Variants in ORC4 observed in about 807,000 individuals in gnomAD.
The protein encoded by ORC4 is origin recognition complex, subunit 4 homolog.
Under a neutral mutation model 63.9 loss-of-function variants are expected in ORC4, and 55 were observed. The observed-to-expected ratio is 0.86, with a 90% confidence interval of 0.69 to 1.08. The LOEUF (loss-of-function observed/expected upper bound fraction) is 1.08, where lower values mean the gene tolerates loss of function less well. ORC4 is among the 50% of genes least tolerant of loss of function. ORC4 has a pLI of 0.00. For synonymous variants in ORC4, 150 were observed against 168.5 expected, an observed-to-expected ratio of 0.89 and a Z score of 0.85; for missense variants, 511 against 504.4, an observed-to-expected ratio of 1.01 and a Z score of -0.13.
chr2:147,935,419 G>T lies in ORC4; in HGVS notation c.*91C>A. 1 of 944,806 alleles carries T rather than the reference G, an allele frequency of 1.1e-6. No homozygotes were observed. 58.5% of individuals were successfully genotyped at this position (944,806 alleles called of 1,614,324 possible). A position where few individuals can be genotyped will look rare whatever the true frequency, so the allele number is the denominator to read the frequency against. On this transcript the variant is annotated 3_prime_UTR_variant, in exon 14 of 14. Transcript: ENST00000392857. Reference sequence around the variant, plus strand: ...TCACATAAATACAAGAATGTTTATAGAATGTTTAGCATATCATGTTAATGG... The same window carrying T: ...TCACATAAATACAAGAATGTTTATATAATGTTTAGCATATCATGTTAATGG...
intron 4 of ORC4, among the ~76,000 whole-genome samples, chr2:147,961,063 T>G (rs1339681999): frequency 6.6e-6 from 1 of 152,194 alleles, no homozygotes; most frequent in African/African-American, 2.4e-5. Context: ...TTAAATATAC[T>G]ATAATCTTAG....
chr2:147,943,612 C>T, intron 9 of ORC4, 90 bp from the exon 10 acceptor site: 1 of 714,192 alleles, frequency 1.4e-6, no homozygotes, highest in East Asian at 2.6e-5. Context: ...GTTGGTGTAC[C>T]TTAGTAACTC....
intron 4 of ORC4, among the ~76,000 whole-genome samples, chr2:147,963,927 C>A (rs146902327): frequency 6.6e-6 from 1 of 152,270 alleles, no homozygotes; most frequent in Non-Finnish European, 1.5e-5. Flanking sequence ...CCACATCAAA[C>A]TGACACCTCG....
chr2:148,021,390 CCTCTT>C, upstream of ORC4: 1 of 497,500 alleles, frequency 2.0e-6, no homozygotes, highest in Non-Finnish European at 4.0e-6. Context: ...CCACCCTCCT[CCTCTT>C]TGGCCGTGAG....
intron 1 of ORC4, among the ~76,000 whole-genome samples, chr2:147,996,803 A>G (rs1402478070): frequency 2.0e-5 from 3 of 152,242 alleles, no homozygotes; most frequent in Non-Finnish European, 2.9e-5. Context: ...TTCATGGCTC[A>G]TGGAAAAGCA....
At chr2:147,941,405 A>ACAT (rs1204893717) in intron 10 of ORC4, among the ~76,000 whole-genome samples, 1 of 152,020 alleles carries the variant, frequency 6.6e-6, no homozygotes, top group Non-Finnish European at 1.5e-5. Context: ...AAGCACTTAC[A>ACAT]CATATTTACA....
At position 147,932,747 on chromosome 2, in the gene ORC4, A is replaced by T. The variant is rs931598239; in HGVS notation, c.*2763T>A. 2 of 152,116 alleles carry T rather than the reference A, an allele frequency of 1.3e-5. No homozygotes were observed. The highest frequency in any genetic ancestry group is 4.8e-5 in the African/African-American group (2 of 41,430). 9.4% of individuals were successfully genotyped at this position (152,116 alleles called of 1,614,324 possible). ...ACAGTACACACCAATGGATTCTCAG[A>T]TTTTCTAGGGTAAAGGTGAAGGATG... On this transcript the variant is annotated 3_prime_UTR_variant, in exon 14 of 14. Transcript: ENST00000392857.
Position 147,935,693 on chromosome 2 carries a change from A to G in ORC4, c.1128T>C (p.Phe376=), listed in dbSNP as rs770142068. Residue 376 remains phenylalanine, a synonymous_variant, in exon 14 of 14, where the codon TTT becomes TTC. Transcript: ENST00000392857. The part of the protein sequence containing the change: ...NFEKPVVMKA[F]EHLQQLELIK... The stretch of plus-strand genomic sequence containing the variant: ...TTAATTCTAATTGCTGCAAGTGTTC[A>G]AAAGCCTGAAAGATGAAAGAAATAG... 7 of 1,611,658 alleles carry G rather than the reference A, an allele frequency of 4.3e-6. No individual in the cohort carries two copies. Among genetic ancestry groups the G allele is most frequent in the Non-Finnish European group, 5.9e-6 (7 of 1,179,220 alleles).
At chr2:147,972,065 T>C (rs1341563691) in intron 4 of ORC4, among the ~76,000 whole-genome samples, 1 of 152,090 alleles carries the variant, frequency 6.6e-6, no homozygotes, top group African/African-American at 2.4e-5. Flanking sequence ...CTACTTAGCA[T>C]TGAAATTAAT....
rs546970844 is a variant in ORC4 at position 147,932,505 on chromosome 2, A to G, written c.*3005T>C. ...GAGCCCACATCGCCAAGGCAATCCT[A>G]AGCTATGTGTTCTTAAAGAGGGGAG... On this transcript the variant is annotated 3_prime_UTR_variant, in exon 14 of 14. Coordinates refer to ENST00000392857, the MANE Select transcript of ORC4 (RefSeq NM_181741.4). 2 of 152,292 alleles carry G rather than the reference A, an allele frequency of 1.3e-5. No individual in the cohort carries two copies. Among genetic ancestry groups the G allele is most frequent in the Admixed American group, 6.5e-5 (1 of 15,290 alleles). The allele number at this position is 152,292 out of a possible 1,614,324, so 9.4% of individuals were successfully genotyped here.
chr2:148,001,120 G>A (rs1048936125), intron 1 of ORC4, among the ~76,000 whole-genome samples: 3 of 152,036 alleles, frequency 2.0e-5, no homozygotes, highest in Admixed American at 1.3e-4. Flanking sequence ...CAAATAAGGC[G>A]ATAAAGGCCC....
chr2:148,001,121 A>ATTT (rs1692275781), intron 1 of ORC4, among the ~76,000 whole-genome samples: 1 of 152,132 alleles, frequency 6.6e-6, no homozygotes, highest in African/African-American at 2.4e-5. Flanking sequence ...AAATAAGGCG[A>ATTT]TAAAGGCCCA....
chr2:147,958,460 G>A (rs1689390839), intron 5 of ORC4, 77 bp from the exon 6 acceptor site: 3 of 1,044,940 alleles, frequency 2.9e-6, no homozygotes, highest in East Asian at 2.6e-5. Context: ...TTCCAGTTAA[G>A]TAAATCTTCC....
intron 4 of ORC4, among the ~76,000 whole-genome samples, chr2:147,964,783 A>T (rs1183890087): frequency 6.6e-6 from 1 of 152,158 alleles, no homozygotes; most frequent in Non-Finnish European, 1.5e-5. Flanking sequence ...AAAATTTTAA[A>T]CTATCATTTT....
Position 147,959,926 on chromosome 2 carries a change from TATA to T in ORC4, c.226-1063_226-1061del, listed in dbSNP as rs1190323878. Among the ~76,000 whole-genome samples the T allele has an allele frequency of 4.6e-5, 7 of 152,320 alleles. No homozygotes were observed. In the South Asian group the frequency reaches 1.0e-3, roughly 23 times the overall value. The stretch of plus-strand genomic sequence containing the variant: ...TTCACCTCTGGATCAGGTCAGACAC[TATA>T]ATAAGAGTACATCCCTAGATGATAC... On this transcript the variant is annotated intron_variant, in intron 4 of 13. Coordinates refer to ENST00000392857, the MANE Select transcript of ORC4 (RefSeq NM_181741.4).
At position 147,952,385 on chromosome 2, in the gene ORC4, A is replaced by T; in HGVS notation, c.576T>A (p.Leu192=). ...SAQTPIAVIG[L]TCRLDILELL... Reference sequence around the variant, plus strand: ...CAGAAAGACTTACCAATCTACATGTAAGACCAATAACTGCTATTGGGGTCT... The same window carrying T: ...CAGAAAGACTTACCAATCTACATGTTAGACCAATAACTGCTATTGGGGTCT... The change falls in exon 8 of 14, where the codon CTT becomes CTA. Residue 192 remains leucine, a synonymous_variant. Coordinates refer to ENST00000392857, the MANE Select transcript of ORC4 (RefSeq NM_181741.4). 6.2e-7 allele frequency: 1 copy of T among 1,604,562 alleles called. No homozygotes were observed. The highest frequency in any genetic ancestry group is 8.5e-7 in the Non-Finnish European group (1 of 1,171,776).
At chr2:148,019,892 C>T (rs1693587727) in intron 1 of ORC4, among the ~76,000 whole-genome samples, 1 of 152,148 alleles carries the variant, frequency 6.6e-6, no homozygotes, top group Non-Finnish European at 1.5e-5. Flanking sequence ...AAACAGCTGG[C>T]ATTTGGGAAA....
At chr2:147,964,535 T>C (rs1689787885) in intron 4 of ORC4, among the ~76,000 whole-genome samples, 1 of 152,164 alleles carries the variant, frequency 6.6e-6, no homozygotes, top group African/African-American at 2.4e-5. Flanking sequence ...AATAAAACCA[T>C]AGTTGAAAAC....
intron 9 of ORC4, among the ~76,000 whole-genome samples, chr2:147,947,164 T>A (rs113971257): frequency 6.6e-6 from 1 of 152,000 alleles, no homozygotes; most frequent in African/African-American, 2.4e-5. Context: ...TCAGTGAATA[T>A]AGACTGTGTA....
Sources: gnomAD v4.1 joint callset for allele counts (sites outside exome capture counted in the v4.1 genomes callset) on GRCh38, gnomAD v4.1.1 for gene constraint, MANE v1.5 for transcripts, NCBI Gene and HGNC (gene_info 2026-07-23, HGNC 2026-07-21) for gene names.